ZNF609: variants seen among roughly 807,000 people sequenced by gnomAD.
The protein encoded by ZNF609 is zinc finger protein 609.
Under a neutral mutation model 109.5 loss-of-function variants are expected in ZNF609, and 11 were observed. The observed-to-expected ratio is 0.10, with a 90% CI of 0.06 to 0.17. ZNF609 has a LOEUF of 0.17. Among genes scored for constraint, ZNF609 ranks in the 10% least tolerant of loss-of-function variants. ZNF609 has a pLI of 1.00. For missense variants in ZNF609, 1,559 were observed against 1,772.4 expected (o/e 0.88, Z 2.16); for synonymous variants, 646 against 662.0 (o/e 0.98, Z 0.37).
Position 64,680,799 on chromosome 15 carries a change from C to T in ZNF609, c.4099C>T (p.His1367Tyr), listed in dbSNP as rs1369477712. The change falls in exon 8 of 10, where the codon CAC (histidine) becomes TAC (tyrosine). Residue 1367 changes from histidine (H) to tyrosine (Y), a missense_variant. Physicochemically the swap from His to Tyr is moderately conservative, Grantham distance 83. Around this residue, in one of 4 missense-constraint regions of ZNF609, gnomAD observed 1,204 missense variants for 1,314.1 expected, o/e 0.92. Coordinates refer to ENST00000326648, the MANE Select transcript of ZNF609 (RefSeq NM_015042.2). The stretch of plus-strand genomic sequence containing the variant: ...TTCCCAGCGCCTGATGTCCACACAC[C>T]ACCACCACCACCACTTGGGGTACTC... ...SPSQRLMSTH[H>Y]HHHHLGYSLL... 1.2e-6 allele frequency: 2 copies of T among 1,612,884 alleles called. No individual in the cohort carries two copies. The highest frequency in any genetic ancestry group is 1.3e-5 in the African/African-American group (1 of 74,556).
At chr15:64,624,947 A>G (rs747015628) in intron 3 of ZNF609, among the ~76,000 whole-genome samples, 44 of 151,776 alleles carry the variant, frequency 2.9e-4, no homozygotes, top group Non-Finnish European at 4.9e-4. Context: ...TTTAGTAGAG[A>G]TGGGGTTTCA....
chr15:64,680,954 T>C (rs1896877007), intron 8 of ZNF609, 92 bp downstream of exon 8: 1 of 1,408,384 alleles, frequency 7.1e-7, no homozygotes. Flanking sequence ...AGGACCCTCC[T>C]ACCTGCCTCA....
chr15:64,577,139 A>AATATAGACATATATGTGT (rs1894991228), intron 2 of ZNF609, among the ~76,000 whole-genome samples: 1 of 28,242 alleles, frequency 3.5e-5, no homozygotes, highest in Admixed American at 6.5e-4. Flanking sequence ...TATACACACA[A>AATATAGACATATATGTGT]ATATATACAT....
At chr15:64,525,483 T>C (rs1893956729) in intron 2 of ZNF609, among the ~76,000 whole-genome samples, 1 of 152,218 alleles carries the variant, frequency 6.6e-6, no homozygotes. Flanking sequence ...TACTCATCTT[T>C]GTAGTAAGTG....
At chr15:64,649,600 G>C (rs1896385226) in intron 3 of ZNF609, among the ~76,000 whole-genome samples, 1 of 152,180 alleles carries the variant, frequency 6.6e-6, no homozygotes, top group Admixed American at 6.5e-5. Context: ...GGTTAAACCA[G>C]TATTAGGGTT....
chr15:64,667,393 T>C lies in ZNF609; in HGVS notation c.974-2953T>C, dbSNP rs540408559. ...CTAATTCCAGATCCCCCAGATTTAT[T>C]GTCTTGATATATTCCATAGAAAATA... On this transcript the variant is annotated intron_variant, in intron 3 of 9. Transcript: ENST00000326648. Among the ~76,000 whole-genome samples, 10 of 152,220 alleles carry C rather than the reference T, an allele frequency of 6.6e-5. No homozygotes were observed. In the South Asian group the frequency reaches 1.9e-3, roughly 28 times the overall value.
chr15:64,554,575 T>A (rs1264175316), intron 2 of ZNF609, among the ~76,000 whole-genome samples: 1 of 151,974 alleles, frequency 6.6e-6, no homozygotes, highest in African/African-American at 2.4e-5. Flanking sequence ...GGGAGATCAG[T>A]TGAGCCCAGG....
chr15:64,513,422 C>T (rs142578133), intron 2 of ZNF609, among the ~76,000 whole-genome samples: 1 of 152,312 alleles, frequency 6.6e-6, no homozygotes, highest in East Asian at 1.9e-4. Flanking sequence ...TTGCTTATTA[C>T]AATTTCAGAA....
chr15:64,505,644 C>T (rs1395411691), intron 2 of ZNF609, among the ~76,000 whole-genome samples: 1 of 152,152 alleles, frequency 6.6e-6, no homozygotes, highest in African/African-American at 2.4e-5. Context: ...ATCAAAAATG[C>T]ACATTCTTGG....
intron 2 of ZNF609, among the ~76,000 whole-genome samples, chr15:64,533,961 CACT>C (rs1421683019): frequency 6.6e-6 from 1 of 151,860 alleles, no homozygotes; most frequent in Non-Finnish European, 1.5e-5. Context: ...CTTTCCACAC[CACT>C]GTCAAGATTT....
chr15:64,497,292 A>G (rs1431688240), intron 1 of ZNF609, among the ~76,000 whole-genome samples: 1 of 152,168 alleles, frequency 6.6e-6, no homozygotes, highest in Non-Finnish European at 1.5e-5. Flanking sequence ...TAAGATCTCC[A>G]CTTGGGTAAT....
At chr15:64,541,218 G>C (rs1306980678) in intron 2 of ZNF609, among the ~76,000 whole-genome samples, 1 of 151,490 alleles carries the variant, frequency 6.6e-6, no homozygotes, top group African/African-American at 2.4e-5. Flanking sequence ...ACGAGGTCAG[G>C]AGATCGAGAC....
chr15:64,588,272 A>C (rs1470020134), intron 2 of ZNF609, among the ~76,000 whole-genome samples: 91 of 149,068 alleles, frequency 6.1e-4, no homozygotes, highest in African/African-American at 1.3e-3. Flanking sequence ...AAAAAAAAAA[A>C]ACAAAAATTA....
intron 2 of ZNF609, chr15:64,529,702 G>A (rs1324241780): frequency 1.5e-6 from 1 of 687,470 alleles, no homozygotes; most frequent in Non-Finnish European, 2.7e-6. Flanking sequence ...GCCAATGCGA[G>A]AGAATATGTG....
At chr15:64,492,250 A>T (rs992423289) in intron 1 of ZNF609, among the ~76,000 whole-genome samples, 2 of 152,190 alleles carry the variant, frequency 1.3e-5, no homozygotes, top group African/African-American at 4.8e-5. Context: ...CTCAAAGAAA[A>T]GAAGAAGAAA....
chr15:64,524,067 T>C (rs1321392898), intron 2 of ZNF609, among the ~76,000 whole-genome samples: 1 of 151,240 alleles, frequency 6.6e-6, no homozygotes, highest in Non-Finnish European at 1.5e-5. Context: ...ATTCATGTTT[T>C]CTTTTTTTTT....
intron 1 of ZNF609, among the ~76,000 whole-genome samples, chr15:64,476,292 A>C (rs1005560391): frequency 2.2e-5 from 3 of 136,948 alleles, no homozygotes; most frequent in African/African-American, 1.1e-4. Context: ...AAATAGACCA[A>C]AAAAAAAAAA....
At chr15:64,554,887 A>G (rs1030416887) in intron 2 of ZNF609, among the ~76,000 whole-genome samples, 2 of 151,990 alleles carry the variant, frequency 1.3e-5, no homozygotes, top group Non-Finnish European at 2.9e-5. Flanking sequence ...ACCTGAGGTC[A>G]GGAGTTCAAG....
chr15:64,571,075 CT>C (rs1230068429), intron 2 of ZNF609, among the ~76,000 whole-genome samples: 2 of 152,260 alleles, frequency 1.3e-5, no homozygotes, highest in East Asian at 3.9e-4. Flanking sequence ...ATATCTTTTT[CT>C]TTTTAAAAGT....
Sources: allele counts gnomAD v4.1 joint callset (sites outside exome capture counted in the v4.1 genomes callset), GRCh38; gene constraint gnomAD v4.1.1; regional missense constraint gnomAD v4.1.1; transcripts MANE v1.5; gene names NCBI Gene and HGNC (gene_info 2026-07-23, HGNC 2026-07-21).